Variants in ANO4 observed in about 807,000 individuals in gnomAD.
ANO4 encodes the protein anoctamin 4, also known as anoctamin-4.
A neutral mutation model predicts 141.9 loss-of-function variants in ANO4; 69 were observed. That is an observed-to-expected ratio of 0.49 (90% confidence interval 0.40 to 0.59). The LOEUF is 0.59. Ranked by LOEUF, ANO4 falls within the 20% of genes least tolerant of loss-of-function variation. The probability of loss-of-function intolerance (pLI) is 0.00; values close to 1 mark genes in which losing one functional copy is unlikely to be tolerated. For synonymous variants in ANO4, 350 were observed against 394.3 expected (o/e 0.89, Z 1.33); for missense variants, 894 against 1,162.2 (o/e 0.77, Z 3.36).
chr12:100,939,308 G>A lies in ANO4; in HGVS notation c.161-7G>A, dbSNP rs756165863. The A allele has an allele frequency of 1.6e-5, 25 of 1,610,148 alleles. No homozygotes were observed. In the South Asian group the frequency reaches 2.6e-4, roughly 17 times the overall value. On this transcript the variant is annotated splice_region_variant and splice_polypyrimidine_tract_variant and intron_variant, in intron 3 of 27. Transcript: ENST00000392977. ...CCCACCTTATAATGTATTTACTTTG[G>A]TTCTAGTGGCCAAGGATGTCAATAT...
chr12:101,114,245 C>A (rs2050767983), intron 24 of ANO4, among the ~76,000 whole-genome samples: 1 of 152,200 alleles, frequency 6.6e-6, no homozygotes, highest in Non-Finnish European at 1.5e-5. Context: ...ATCTCACTTG[C>A]CTGAATTGAT....
chr12:100,806,112 G>T (rs528136191), intron 1 of ANO4, among the ~76,000 whole-genome samples: 1 of 152,328 alleles, frequency 6.6e-6, no homozygotes, highest in South Asian at 2.1e-4. Flanking sequence ...ATAGCCAGGA[G>T]AGTGTGATTT....
At chr12:100,776,904 A>G (rs2033526000) in intron 3 of ANO4, among the ~76,000 whole-genome samples, 1 of 152,144 alleles carries the variant, frequency 6.6e-6, no homozygotes, top group African/African-American at 2.4e-5. Flanking sequence ...ATATGCAGGT[A>G]GTGGTATTTA....
intron 5 of ANO4, among the ~76,000 whole-genome samples, chr12:100,962,616 A>C (rs2043475714): frequency 6.6e-6 from 1 of 152,158 alleles, no homozygotes; most frequent in Non-Finnish European, 1.5e-5. Context: ...AGTTATTGGC[A>C]GAATTTAGTT....
chr12:100,922,074 T>TG (rs930788388), intron 2 of ANO4, among the ~76,000 whole-genome samples, 152 bp from the exon 3 acceptor site: 87 of 150,582 alleles, frequency 5.8e-4, no homozygotes, highest in African/African-American at 2.0e-3. Context: ...TTCCTTTTTT[T>TG]TTTTTTCTTA....
chr12:100,931,483 C>G (rs532064143), intron 3 of ANO4, among the ~76,000 whole-genome samples: 1 of 152,240 alleles, frequency 6.6e-6, no homozygotes, highest in African/African-American at 2.4e-5. Context: ...GATTTGGGGT[C>G]TGAATTGAAT....
intron 2 of ANO4, among the ~76,000 whole-genome samples, chr12:100,913,032 A>T (rs1324433836): frequency 6.6e-6 from 1 of 152,182 alleles, no homozygotes; most frequent in Non-Finnish European, 1.5e-5. Context: ...GTCCTTGGCA[A>T]ATGTGGGCAT....
intron 9 of ANO4, among the ~76,000 whole-genome samples, chr12:101,025,938 A>G (rs1203187602): frequency 2.0e-5 from 3 of 152,216 alleles, no homozygotes; most frequent in African/African-American, 4.8e-5. Flanking sequence ...ACCTCATAAA[A>G]TACATCTATG....
At chr12:101,088,168 T>C (rs2049585619) in intron 17 of ANO4, among the ~76,000 whole-genome samples, 1 of 152,144 alleles carries the variant, frequency 6.6e-6, no homozygotes, top group Non-Finnish European at 1.5e-5. Flanking sequence ...TCACTGTGAT[T>C]CACCTGCTCC....
chr12:100,869,872 A>G (rs1276798357), intron 1 of ANO4, among the ~76,000 whole-genome samples: 1 of 149,388 alleles, frequency 6.7e-6, no homozygotes, highest in Non-Finnish European at 1.5e-5. Flanking sequence ...ACCTCCCAGC[A>G]TCTCCCCTTC....
At chr12:100,864,389 G>A (rs550045476) in intron 1 of ANO4, among the ~76,000 whole-genome samples, 2 of 152,166 alleles carry the variant, frequency 1.3e-5, no homozygotes, top group East Asian at 3.9e-4. Context: ...AGATAGATAT[G>A]GGATATTCAA....
rs181260713 is a variant in ANO4, at chr12:101,033,709, A to C, written c.842-3386A>C. Reference sequence around the variant, plus strand: ...TATCATCAGAGTGAACAGACAATCTACAGAGCGGGAGAAATTTTTTGCAAT... The same window carrying C: ...TATCATCAGAGTGAACAGACAATCTCCAGAGCGGGAGAAATTTTTTGCAAT... On this transcript the variant is annotated intron_variant, in intron 9 of 27. Coordinates refer to ENST00000392977, the MANE Select transcript of ANO4 (RefSeq NM_001286615.2). 1.2e-3 allele frequency among the ~76,000 whole-genome samples: 181 copies of C among 152,346 alleles called. 2 individuals carry two copies. Among genetic ancestry groups the C allele is most frequent in the Non-Finnish European group, 2.1e-3 (142 of 68,030 alleles).
intron 15 of ANO4, 60 bp downstream of exon 15, chr12:101,079,335 C>G: frequency 7.1e-7 from 1 of 1,401,170 alleles, no homozygotes; most frequent in Non-Finnish European, 1.0e-6. Context: ...CACACGACCC[C>G]CCCCCAAAAT....
At chr12:101,085,961 A>G (rs1030508607) in intron 16 of ANO4, among the ~76,000 whole-genome samples, 15 of 152,156 alleles carry the variant, frequency 9.9e-5, no homozygotes, top group African/African-American at 3.6e-4. Context: ...ATGTAACCAT[A>G]TGGTATGGCT....
At chr12:100,959,372 A>C (rs774390936) in intron 5 of ANO4, among the ~76,000 whole-genome samples, 1 of 152,096 alleles carries the variant, frequency 6.6e-6, no homozygotes, top group Non-Finnish European at 1.5e-5. Context: ...TGTTACAAAC[A>C]TGCTCCCATA....
chr12:100,784,850 G>A (rs935496321), intron 3 of ANO4, among the ~76,000 whole-genome samples: 6 of 152,266 alleles, frequency 3.9e-5, no homozygotes, highest in Admixed American at 6.5e-5. Context: ...GGGCTATGCC[G>A]TTTGTCTGTG....
At chr12:101,031,916 C>G (rs777656233) in intron 9 of ANO4, among the ~76,000 whole-genome samples, 5 of 152,144 alleles carry the variant, frequency 3.3e-5, no homozygotes, top group Non-Finnish European at 4.4e-5. Flanking sequence ...CAAACCACTG[C>G]TCAAGGAAAT....
At chr12:100,886,963 C>G (rs757640585) in intron 1 of ANO4, among the ~76,000 whole-genome samples, 4 of 152,122 alleles carry the variant, frequency 2.6e-5, no homozygotes, top group Non-Finnish European at 5.9e-5. Context: ...TAGATTCTGC[C>G]TTTTTCATCC....
At chr12:101,038,222 C>T (rs77439762) in intron 10 of ANO4, among the ~76,000 whole-genome samples, 9,473 of 152,226 alleles carry the variant, frequency 0.062, 378 homozygotes, top group Non-Finnish European at 0.079. Flanking sequence ...TAGAGCCATA[C>T]GCAGGTGTTT....
Sources: allele counts gnomAD v4.1 joint callset (sites outside exome capture counted in the v4.1 genomes callset), GRCh38; gene constraint gnomAD v4.1.1; transcripts MANE v1.5; gene names NCBI Gene and HGNC (gene_info 2026-07-23, HGNC 2026-07-21).